ERBB4: variants seen among roughly 807,000 people sequenced by gnomAD.
ERBB4 encodes the protein receptor tyrosine-protein kinase erbB-4.
Under a neutral mutation model 158.0 loss-of-function variants are expected in ERBB4, and 42 were observed. The ratio of observed to expected loss-of-function variants is 0.27; its 90% CI spans 0.21 to 0.34. The LOEUF is 0.34. Among genes scored for constraint, ERBB4 ranks in the 10% least tolerant of loss-of-function variants. ERBB4 has a pLI of 1.00. For missense variants in ERBB4, 1,333 were observed against 1,624.1 expected, an observed-to-expected ratio of 0.82 and a Z score of 3.08; for synonymous variants, 583 against 558.7, an observed-to-expected ratio of 1.04 and a Z score of -0.61.
intron 1 of ERBB4, among the ~76,000 whole-genome samples, chr2:212,366,969 G>C (rs777377689): frequency 1.3e-5 from 2 of 151,940 alleles, no homozygotes; most frequent in African/African-American, 4.8e-5. Context: ...CAATGTGACT[G>C]TATTTGAATA....
intron 2 of ERBB4, among the ~76,000 whole-genome samples, chr2:212,029,335 G>A (rs1199967855): frequency 1.3e-5 from 2 of 151,746 alleles, no homozygotes; most frequent in Admixed American, 1.3e-4. Context: ...GCAAAGCCCT[G>A]GAAAGAAAAT....
chr2:211,437,399 T>C (rs1371833752), intron 20 of ERBB4, among the ~76,000 whole-genome samples: 1 of 152,182 alleles, frequency 6.6e-6, no homozygotes, highest in Non-Finnish European at 1.5e-5. Context: ...AATCAACTCA[T>C]ATAAACTGCT....
intron 1 of ERBB4, among the ~76,000 whole-genome samples, chr2:212,497,316 G>A (rs765909725): frequency 6.6e-6 from 1 of 151,944 alleles, no homozygotes; most frequent in East Asian, 1.9e-4. Context: ...TGTTGCCCAG[G>A]TTGGAGTCCA....
chr2:211,970,781 A>C (rs984213833), intron 2 of ERBB4, among the ~76,000 whole-genome samples: 2 of 152,142 alleles, frequency 1.3e-5, no homozygotes, highest in African/African-American at 4.8e-5. Context: ...ATAGCATGTG[A>C]GATGGGTCTC....
intron 3 of ERBB4, among the ~76,000 whole-genome samples, chr2:211,938,142 T>G (rs2080379811): frequency 6.6e-6 from 1 of 152,304 alleles, no homozygotes; most frequent in South Asian, 2.1e-4. Flanking sequence ...GTGTCTATTT[T>G]TTTACCAAAA....
At chr2:212,010,245 A>T (rs919040433) in intron 2 of ERBB4, among the ~76,000 whole-genome samples, 2 of 152,202 alleles carry the variant, frequency 1.3e-5, no homozygotes, top group African/African-American at 2.4e-5. Flanking sequence ...TGGATAAGGT[A>T]TTATTTACCT....
intron 3 of ERBB4, among the ~76,000 whole-genome samples, chr2:211,933,210 G>A (rs17336280): frequency 0.034 from 5,200 of 152,080 alleles, 117 homozygotes; most frequent in Admixed American, 0.065. Flanking sequence ...TTATCATTAC[G>A]ACATGCAATT....
At chr2:212,043,344 T>C (rs2077183298) in intron 2 of ERBB4, among the ~76,000 whole-genome samples, 2 of 152,166 alleles carry the variant, frequency 1.3e-5, no homozygotes, top group Admixed American at 6.6e-5. Flanking sequence ...TGATAAACTT[T>C]GTTAGAACCT....
chr2:211,744,659 C>T (rs982935623), intron 5 of ERBB4, among the ~76,000 whole-genome samples: 6 of 152,162 alleles, frequency 3.9e-5, no homozygotes, highest in Admixed American at 1.3e-4. Flanking sequence ...TTGTCTTTAG[C>T]GTGGCTTCTC....
At chr2:212,525,180 C>T (rs537351365) in intron 1 of ERBB4, among the ~76,000 whole-genome samples, 1 of 152,026 alleles carries the variant, frequency 6.6e-6, no homozygotes, top group Non-Finnish European at 1.5e-5. Context: ...AAAGAGGCTC[C>T]ACATTCCTAG....
At chr2:211,424,011 C>A (rs1368243507) in intron 23 of ERBB4, 144 bp downstream of exon 23, 6 of 786,164 alleles carry the variant, frequency 7.6e-6, no homozygotes, top group Non-Finnish European at 1.3e-5. Context: ...ATAGTCACAA[C>A]AAAGAGGCGT....
At chr2:212,239,983 T>C (rs1055826035) in intron 1 of ERBB4, among the ~76,000 whole-genome samples, 2 of 152,172 alleles carry the variant, frequency 1.3e-5, no homozygotes, top group African/African-American at 4.8e-5. Flanking sequence ...CAAGAGGTTC[T>C]AAAATCCAAA....
intron 5 of ERBB4, among the ~76,000 whole-genome samples, chr2:211,745,269 T>C (rs1441521950): frequency 6.6e-6 from 1 of 152,228 alleles, no homozygotes; most frequent in East Asian, 1.9e-4. Context: ...TGAGAGCTAA[T>C]TCTCAAAAAA....
intron 1 of ERBB4, among the ~76,000 whole-genome samples, chr2:212,283,812 G>GAC (rs987535366): frequency 6.6e-6 from 1 of 151,990 alleles, no homozygotes; most frequent in Non-Finnish European, 1.5e-5. Context: ...CCACAGTGAA[G>GAC]AGTTGAAAAT....
At chr2:211,801,781 A>G (rs539017641) in intron 3 of ERBB4, among the ~76,000 whole-genome samples, 19 of 152,342 alleles carry the variant, frequency 1.2e-4, no homozygotes, top group African/African-American at 4.3e-4. Context: ...GAATAATACA[A>G]AGAGTATCTT....
At chr2:212,246,443 T>C (rs932394255) in intron 1 of ERBB4, among the ~76,000 whole-genome samples, 1 of 152,202 alleles carries the variant, frequency 6.6e-6, no homozygotes, top group Non-Finnish European at 1.5e-5. Flanking sequence ...TTGCATTCCA[T>C]TTATTTATTC....
chr2:212,366,598 ATTTCCAGGTGATTTTCTCATTAAT>A (rs2089898812), intron 1 of ERBB4, among the ~76,000 whole-genome samples: 1 of 152,008 alleles, frequency 6.6e-6, no homozygotes, highest in African/African-American at 2.4e-5. Flanking sequence ...TTTCTGAAAT[ATTTCCAGGTGATTTTCTCATTAAT>A]AATATATTTT....
intron 20 of ERBB4, among the ~76,000 whole-genome samples, chr2:211,484,662 C>T (rs750224472): frequency 3.9e-5 from 6 of 152,092 alleles, no homozygotes; most frequent in African/African-American, 9.7e-5. Context: ...CAGGACATAA[C>T]AATCCTAAAT....
intron 3 of ERBB4, among the ~76,000 whole-genome samples, chr2:211,822,510 C>A (rs1359407870): frequency 6.6e-6 from 1 of 151,954 alleles, no homozygotes; most frequent in Non-Finnish European, 1.5e-5. Context: ...TTTTAAAAGT[C>A]AGACATCTAT....
Sources: gnomAD v4.1 joint callset for allele counts (sites outside exome capture counted in the v4.1 genomes callset) on GRCh38, gnomAD v4.1.1 for gene constraint, MANE v1.5 for transcripts, NCBI Gene and HGNC (gene_info 2026-07-23, HGNC 2026-07-21) for gene names.